ZBBX: variants seen among roughly 807,000 people sequenced by gnomAD.
ZBBX encodes zinc finger B-box domain containing.
In ZBBX, 101 loss-of-function variants were observed where a neutral mutation model predicts 108.5. The observed-to-expected ratio is 0.93, with a 90% CI of 0.79 to 1.10. ZBBX has a LOEUF of 1.10. Ranked by LOEUF, ZBBX falls within the 50% of genes least tolerant of loss-of-function variation. The pLI, the probability that ZBBX is intolerant of heterozygous loss-of-function variation, is 0.00. For missense variants in ZBBX, 1,009 were observed against 941.4 expected (o/e 1.07, Z -0.94); for synonymous variants, 356 against 323.4 (o/e 1.10, Z -1.08).
chr3:167,403,245 C>A (rs999602560), intron 1 of ZBBX, among the ~76,000 whole-genome samples: 8 of 152,080 alleles, frequency 5.3e-5, no homozygotes. Context: ...ATTAACCCAA[C>A]GCATTGACAT....
At chr3:167,326,067 T>C (rs1737328969) in intron 11 of ZBBX, among the ~76,000 whole-genome samples, 1 of 152,158 alleles carries the variant, frequency 6.6e-6, no homozygotes, top group South Asian at 2.1e-4. Context: ...TATTTTAAGG[T>C]AAATATGTAA....
chr3:167,241,148 C>T (rs1012999356), intron 21 of ZBBX, among the ~76,000 whole-genome samples: 1 of 152,144 alleles, frequency 6.6e-6, no homozygotes, highest in African/African-American at 2.4e-5. Context: ...ACAGTAGAAT[C>T]AAGGAGAGAC....
intron 20 of ZBBX, among the ~76,000 whole-genome samples, chr3:167,258,975 T>G (rs1723992263): frequency 6.6e-6 from 1 of 152,218 alleles, no homozygotes; most frequent in Non-Finnish European, 1.5e-5. Flanking sequence ...ATTAGGGTGA[T>G]GCTGGCTTCA....
At chr3:167,341,099 A>G (rs896328667) in intron 9 of ZBBX, among the ~76,000 whole-genome samples, 1 of 151,956 alleles carries the variant, frequency 6.6e-6, no homozygotes, top group Non-Finnish European at 1.5e-5. Flanking sequence ...GTATTACTTT[A>G]AGTAGTTCTT....
intron 20 of ZBBX, among the ~76,000 whole-genome samples, chr3:167,271,870 A>G (rs891981277): frequency 1.3e-5 from 2 of 152,188 alleles, no homozygotes; most frequent in African/African-American, 4.8e-5. Context: ...CCCTTTTCAA[A>G]TGCAACGGCC....
the ZBBX span, among the ~76,000 whole-genome samples, chr3:167,203,324 G>A: frequency 6.6e-6 from 1 of 151,996 alleles, no homozygotes. Flanking sequence ...CCTAACATGT[G>A]CATTTTAATC....
In ZBBX at chr3:167,240,397, T is replaced by C. The variant is rs769005314; in HGVS notation, c.*396A>G. 1 of 153,180 alleles carries C rather than the reference T, an allele frequency of 6.5e-6. No homozygotes were observed. Among genetic ancestry groups the C allele is most frequent in the Non-Finnish European group, 1.5e-5 (1 of 68,724 alleles). The allele number at this position is 153,180 out of a possible 1,614,324, so 9.5% of individuals were successfully genotyped here. The stretch of plus-strand genomic sequence containing the variant: ...ACAGTGTAATTATAGGTTCAATTGA[T>C]GATACTAACTAGTGTGACTTGGCTG... On this transcript the variant is annotated 3_prime_UTR_variant, in exon 22 of 22. Transcript: ENST00000675490.
chr3:167,197,910 C>T, the ZBBX span, among the ~76,000 whole-genome samples: 1 of 152,128 alleles, frequency 6.6e-6, no homozygotes, highest in African/African-American at 2.4e-5. Context: ...GTTATACAGT[C>T]CCTATCTTAT....
At chr3:167,304,515 T>C (rs1334128498) in intron 17 of ZBBX, among the ~76,000 whole-genome samples, 1 of 152,182 alleles carries the variant, frequency 6.6e-6, no homozygotes, top group Non-Finnish European at 1.5e-5. Context: ...AAGCATGTCC[T>C]TTTATAAAGT....
chr3:167,266,560 AAAT>A (rs970719195), intron 20 of ZBBX, among the ~76,000 whole-genome samples: 1 of 152,150 alleles, frequency 6.6e-6, no homozygotes, highest in Non-Finnish European at 1.5e-5. Flanking sequence ...ATATTTAGAA[AAAT>A]ATTTACAAGT....
the ZBBX span, among the ~76,000 whole-genome samples, chr3:167,216,168 CA>C: frequency 6.6e-6 from 1 of 151,912 alleles, no homozygotes; most frequent in Non-Finnish European, 1.5e-5. Context: ...CAAACAAAAA[CA>C]GAGGAAGTCA....
At chr3:167,273,680 G>C (rs1486133511) in intron 20 of ZBBX, among the ~76,000 whole-genome samples, 1 of 152,050 alleles carries the variant, frequency 6.6e-6, no homozygotes, top group African/African-American at 2.4e-5. Flanking sequence ...CACTCTGCCA[G>C]GTAACTGGAG....
chr3:167,242,535 A>C lies in ZBBX; in HGVS notation c.2363T>G (p.Val788Gly), dbSNP rs777106380. The C allele has an allele frequency of 6.2e-6, 10 of 1,612,894 alleles. No individual in the cohort carries two copies. The East Asian group carries it at 2.2e-4, about 36-fold the overall frequency. Residue 788 changes from valine (V) to glycine (G), a missense_variant, in exon 21 of 22, where the codon GTG (valine) becomes GGG (glycine). Transcript: ENST00000675490. ...ISTDFLKTSH[V>G]RGPCGVEELS... ...TTCCTCAACTCCACAGGGACCCCTCACATGTGAGGTCTTAAGGAAATCTGT... is the reference window on the plus strand; with the variant it reads ...TTCCTCAACTCCACAGGGACCCCTCCCATGTGAGGTCTTAAGGAAATCTGT...
chr3:167,275,426 T>A (rs1436897141), intron 20 of ZBBX, among the ~76,000 whole-genome samples: 1 of 151,990 alleles, frequency 6.6e-6, no homozygotes, highest in African/African-American at 2.4e-5. Flanking sequence ...GTGCGCGCAC[T>A]GTGCGCGAGC....
the ZBBX span, among the ~76,000 whole-genome samples, chr3:167,191,934 T>TATATATATAGAGAGAGAGAGAGAGAG: frequency 3.1e-5 from 4 of 130,224 alleles, no homozygotes; most frequent in African/African-American, 1.2e-4. Flanking sequence ...TATATATATA[T>TATATATATAGAGAGAGAGAGAGAGAG]AGAGCAAGTT....
At chr3:167,348,346 A>AAG (rs1393224120) in intron 9 of ZBBX, among the ~76,000 whole-genome samples, 4 of 115,752 alleles carry the variant, frequency 3.5e-5, no homozygotes, top group African/African-American at 1.0e-4. Flanking sequence ...GAAAGAAAGA[A>AAG]AGAAAGAAAG....
chr3:167,229,660 CCATCAACAAAATTA>C, the ZBBX span, among the ~76,000 whole-genome samples: 1 of 151,738 alleles, frequency 6.6e-6, no homozygotes, highest in Non-Finnish European at 1.5e-5. Context: ...CACCTCCCAT[CCATCAACAAAATTA>C]CATCTTCTAC....
chr3:167,362,738 A>G (rs915713565), intron 6 of ZBBX, among the ~76,000 whole-genome samples: 1 of 152,024 alleles, frequency 6.6e-6, no homozygotes, highest in Non-Finnish European at 1.5e-5. Context: ...TTCCTTTCAC[A>G]TACCAGGAAA....
At chr3:167,282,188 A>G (rs914439651) in intron 20 of ZBBX, 50 bp downstream of exon 20, 2 of 1,528,238 alleles carry the variant, frequency 1.3e-6, no homozygotes, top group Admixed American at 4.1e-5. Flanking sequence ...AATCCGGCTG[A>G]GGGCAGAGTT....
Sources: gnomAD v4.1 joint callset for allele counts (sites outside exome capture counted in the v4.1 genomes callset) on GRCh38, gnomAD v4.1.1 for gene constraint, MANE v1.5 for transcripts, NCBI Gene and HGNC (gene_info 2026-07-23, HGNC 2026-07-21) for gene names.